Variants in CCDC170 observed in about 807,000 individuals in gnomAD.
CCDC170 encodes coiled-coil domain containing 170.
In CCDC170, 69 loss-of-function variants were observed where a neutral mutation model predicts 72.6. The observed-to-expected ratio is 0.95, with a 90% confidence interval of 0.78 to 1.16. CCDC170 has a LOEUF of 1.16. Among genes scored for constraint, CCDC170 ranks in the 50% most tolerant of loss-of-function variants. The probability of loss-of-function intolerance (pLI) is 0.00; values close to 1 mark genes in which losing one functional copy is unlikely to be tolerated. For missense variants in CCDC170, 852 were observed against 832.5 expected, an observed-to-expected ratio of 1.02 and a Z score of -0.29; for synonymous variants, 300 against 303.9, an observed-to-expected ratio of 0.99 and a Z score of 0.13.
rs147822104 is a variant in CCDC170, at chr6:151,536,579, A to G, written c.186+133A>G. On this transcript the variant is annotated intron_variant, in intron 2 of 10. Transcript: ENST00000239374. Reference sequence around the variant, plus strand: ...ATCACGAGGTCAAGAGATCCAGACCATCCTGGCCAACGTAGTGAAACTCTG... The same window carrying G: ...ATCACGAGGTCAAGAGATCCAGACCGTCCTGGCCAACGTAGTGAAACTCTG... 1.9e-3 allele frequency: 1,693 copies of G among 897,182 alleles called. 20 individuals carry two copies. In the African/African-American group the frequency reaches 0.025, roughly 13 times the overall value. The allele number at this position is 897,182 out of a possible 1,614,324, so 55.6% of individuals were successfully genotyped here. A position where few individuals can be genotyped will look rare whatever the true frequency, so the allele number is the denominator to read the frequency against.
intron 7 of CCDC170, among the ~76,000 whole-genome samples, chr6:151,591,923 AG>A (rs1776542642): frequency 6.6e-6 from 1 of 152,140 alleles, no homozygotes; most frequent in Non-Finnish European, 1.5e-5. Flanking sequence ...GCCCAAGAAG[AG>A]TAAAGTGGCA....
chr6:151,546,751 C>T (rs781150493), intron 4 of CCDC170, among the ~76,000 whole-genome samples: 8 of 152,184 alleles, frequency 5.3e-5, no homozygotes, highest in Non-Finnish European at 1.2e-4. Flanking sequence ...GCCTCTCGCC[C>T]GCTTTTCTCC....
At chr6:151,614,575 C>T (rs1207944855) in intron 9 of CCDC170, among the ~76,000 whole-genome samples, 1 of 152,036 alleles carries the variant, frequency 6.6e-6, no homozygotes, top group Non-Finnish European at 1.5e-5. Flanking sequence ...CTGCCTCAGC[C>T]TCCCGAGTAG....
At chr6:151,504,824 G>A (rs1782043224) in intron 1 of CCDC170, among the ~76,000 whole-genome samples, 1 of 151,758 alleles carries the variant, frequency 6.6e-6, no homozygotes, top group South Asian at 2.1e-4. Context: ...AGGAGGGCAT[G>A]AAGTAAACCG....
At chr6:151,513,036 G>A (rs1158988663) in intron 1 of CCDC170, among the ~76,000 whole-genome samples, 1 of 152,054 alleles carries the variant, frequency 6.6e-6, no homozygotes, top group African/African-American at 2.4e-5. Context: ...TTCTTTTCCA[G>A]AGAAACAACT....
At chr6:151,617,742 T>C (rs1776992704) in intron 10 of CCDC170, among the ~76,000 whole-genome samples, 1 of 152,154 alleles carries the variant, frequency 6.6e-6, no homozygotes, top group African/African-American at 2.4e-5. Context: ...AGAAAAGTGA[T>C]TGTGAAATCT....
intron 1 of CCDC170, among the ~76,000 whole-genome samples, chr6:151,525,073 T>C (rs552546013): frequency 2.6e-4 from 40 of 151,970 alleles, no homozygotes; most frequent in Admixed American, 5.9e-4. Flanking sequence ...GCTGGGACTA[T>C]AGGTGCCCGC....
chr6:151,572,661 T>TTGTTTTTTTG (rs72341370), intron 5 of CCDC170, among the ~76,000 whole-genome samples: 5 of 137,234 alleles, frequency 3.6e-5, no homozygotes, highest in Non-Finnish European at 7.8e-5. Context: ...TTTTTTTTTT[T>TTGTTTTTTTG]TTTTTTTTGA....
rs777077287 is a variant in CCDC170, at chr6:151,536,465, AG to A, written c.186+20del. 1 of 1,612,948 alleles carries A rather than the reference AG, an allele frequency of 6.2e-7. No homozygotes were observed. Among genetic ancestry groups the A allele is most frequent in the South Asian group, 1.1e-5 (1 of 91,052 alleles). On this transcript the variant is annotated intron_variant, in intron 2 of 10. Coordinates refer to ENST00000239374, the MANE Select transcript of CCDC170 (RefSeq NM_025059.4). ...GTCTGAGGTAAGATAATGCATTTCC[AG>A]CACTCAGAAATGGGCCTTCTTAGCT... is the stretch of plus-strand genomic sequence containing the variant.
chr6:151,557,451 C>T (rs1028374018), intron 5 of CCDC170, among the ~76,000 whole-genome samples: 2 of 151,780 alleles, frequency 1.3e-5, no homozygotes, highest in South Asian at 2.1e-4. Context: ...GTGGACACTT[C>T]GGTTGATTCC....
Position 151,619,775 on chromosome 6 carries a change from G to A in CCDC170, c.*1628G>A, listed in dbSNP as rs1188896622. On this transcript the variant is annotated 3_prime_UTR_variant, in exon 11 of 11. Transcript: ENST00000239374. ...GCGGAGGTTGCAATGAGCCGAGATCGCGCTACTGCACTCCAGCCTGGGCAA... is the reference window on the plus strand; with the variant it reads ...GCGGAGGTTGCAATGAGCCGAGATCACGCTACTGCACTCCAGCCTGGGCAA... 2 of 152,090 alleles carry A rather than the reference G, an allele frequency of 1.3e-5. No homozygotes were observed. The highest frequency in any genetic ancestry group is 2.9e-5 in the Non-Finnish European group (2 of 68,028). 9.4% of individuals were successfully genotyped at this position (152,090 alleles called of 1,614,324 possible). A position where few individuals can be genotyped will look rare whatever the true frequency, so the allele number is the denominator to read the frequency against.
intron 1 of CCDC170, among the ~76,000 whole-genome samples, chr6:151,523,446 G>A (rs1351086614): frequency 6.6e-6 from 1 of 152,170 alleles, no homozygotes; most frequent in Non-Finnish European, 1.5e-5. Flanking sequence ...CAGCATTTGG[G>A]AGGCTGAGGT....
intron 1 of CCDC170, among the ~76,000 whole-genome samples, chr6:151,506,242 C>A (rs1055666881): frequency 6.6e-6 from 1 of 152,114 alleles, no homozygotes; most frequent in African/African-American, 2.4e-5. Context: ...TGACTTATTA[C>A]GTGGATTTAT....
intron 1 of CCDC170, among the ~76,000 whole-genome samples, chr6:151,534,815 T>C (rs764936841): frequency 1.3e-5 from 2 of 152,210 alleles, no homozygotes; most frequent in Non-Finnish European, 2.9e-5. Context: ...CAAACAGTAG[T>C]TGCTGGTAGT....
Position 151,544,565 on chromosome 6 carries a change from C to T in CCDC170, c.444-7C>T. 6.2e-7 allele frequency: 1 copy of T among 1,605,244 alleles called. No individual in the cohort carries two copies. Among genetic ancestry groups the T allele is most frequent in the African/African-American group, 1.3e-5 (1 of 74,832 alleles). ...AAATTCTGACTTATTTGTTATTTGC[C>T]TAACAGAAAGTGTTCAAAAGAAAAT... On this transcript the variant is annotated splice_polypyrimidine_tract_variant and splice_region_variant and intron_variant, in intron 3 of 10. Transcript: ENST00000239374.
At chr6:151,546,237 C>G (rs1212131786) in intron 4 of CCDC170, among the ~76,000 whole-genome samples, 3 of 152,164 alleles carry the variant, frequency 2.0e-5, no homozygotes, top group African/African-American at 7.2e-5. Context: ...ACCTGATGCT[C>G]TCATGGGTGC....
chr6:151,563,633 T>G (rs1363870838), intron 5 of CCDC170, among the ~76,000 whole-genome samples: 1 of 152,122 alleles, frequency 6.6e-6, no homozygotes, highest in Non-Finnish European at 1.5e-5. Flanking sequence ...GCCCACAGTC[T>G]CAGCTCAGGT....
intron 1 of CCDC170, among the ~76,000 whole-genome samples, chr6:151,533,189 G>T (rs1405863095): frequency 1.3e-5 from 2 of 151,586 alleles, no homozygotes; most frequent in Non-Finnish European, 2.9e-5. Flanking sequence ...GAGTAGCTGG[G>T]ACTACAGGCG....
chr6:151,573,139 A>G (rs766098749), intron 5 of CCDC170, 35 bp from the exon 6 acceptor site: 1 of 1,569,584 alleles, frequency 6.4e-7, no homozygotes, highest in Non-Finnish European at 8.7e-7. Context: ...GTTGACTTCT[A>G]ATGGTATTGT....
Sources: allele counts gnomAD v4.1 joint callset (sites outside exome capture counted in the v4.1 genomes callset), GRCh38; gene constraint gnomAD v4.1.1; transcripts MANE v1.5; gene names NCBI Gene and HGNC (gene_info 2026-07-23, HGNC 2026-07-21).